Variants in RNLS observed in about 807,000 individuals in gnomAD.
RNLS encodes renalase, FAD dependent amine oxidase.
In RNLS, 39 loss-of-function variants were observed where a neutral mutation model predicts 39.8. The observed-to-expected ratio is 0.98, with a 90% CI of 0.76 to 1.28. RNLS has a LOEUF of 1.28. RNLS is among the 50% of genes most tolerant of loss of function. The probability of loss-of-function intolerance (pLI) is 0.00; values close to 1 mark genes in which losing one functional copy is unlikely to be tolerated. For missense variants in RNLS, 410 were observed against 413.3 expected, an observed-to-expected ratio of 0.99 and a Z score of 0.07; for synonymous variants, 147 against 150.7, an observed-to-expected ratio of 0.98 and a Z score of 0.18.
chr10:88,222,725 A>G, the RNLS span, among the ~76,000 whole-genome samples: 1 of 152,180 alleles, frequency 6.6e-6, no homozygotes, highest in Non-Finnish European at 1.5e-5. Flanking sequence ...GGACTGATCT[A>G]AGAAACAGCA....
At chr10:88,254,010 A>G in the RNLS span, among the ~76,000 whole-genome samples, 1 of 152,220 alleles carries the variant, frequency 6.6e-6, no homozygotes, top group Non-Finnish European at 1.5e-5. Flanking sequence ...TCCTCTATAA[A>G]TCCTTACCTT....
the RNLS span, among the ~76,000 whole-genome samples, chr10:88,212,759 G>A: frequency 1.7e-3 from 258 of 152,300 alleles, 1 homozygote; most frequent in African/African-American, 5.1e-3. Flanking sequence ...CATGGGTAAG[G>A]ACTAAGTTGT....
intron 4 of RNLS, among the ~76,000 whole-genome samples, chr10:88,493,125 A>AT (rs1650974581): frequency 6.6e-6 from 1 of 152,112 alleles, no homozygotes; most frequent in East Asian, 1.9e-4. Flanking sequence ...AGTACATGTT[A>AT]TTTCTGCTCT....
At chr10:88,217,033 G>C in the RNLS span, among the ~76,000 whole-genome samples, 2 of 152,164 alleles carry the variant, frequency 1.3e-5, no homozygotes, top group Non-Finnish European at 1.5e-5. Context: ...GCTCAATTAG[G>C]GGGTGAGGGG....
At chr10:88,440,867 G>A (rs1220589674) in intron 4 of RNLS, among the ~76,000 whole-genome samples, 1 of 152,176 alleles carries the variant, frequency 6.6e-6, no homozygotes, top group Non-Finnish European at 1.5e-5. Context: ...CCCTTAGTCT[G>A]CTGAGATGCT....
intron 5 of RNLS, among the ~76,000 whole-genome samples, chr10:88,354,817 T>G (rs1355967418): frequency 6.6e-6 from 1 of 152,236 alleles, no homozygotes; most frequent in Non-Finnish European, 1.5e-5. Flanking sequence ...GTTTTCCAAG[T>G]TGGTTCCATT....
intron 3 of RNLS, among the ~76,000 whole-genome samples, chr10:88,574,292 A>G (rs1340547777): frequency 6.6e-6 from 1 of 152,170 alleles, no homozygotes; most frequent in African/African-American, 2.4e-5. Context: ...AGAAATGAAG[A>G]TGGAATGAGG....
chr10:88,178,409 A>G, the RNLS span, among the ~76,000 whole-genome samples: 2 of 151,730 alleles, frequency 1.3e-5, no homozygotes, highest in Non-Finnish European at 2.9e-5. Flanking sequence ...GGCTCCAGGT[A>G]GCTCCCCAGT....
chr10:88,547,253 T>C (rs1387367095), intron 4 of RNLS, among the ~76,000 whole-genome samples: 1 of 152,198 alleles, frequency 6.6e-6, no homozygotes, highest in Non-Finnish European at 1.5e-5. Context: ...AAGAACACAC[T>C]TGAAGTCCAT....
intron 4 of RNLS, among the ~76,000 whole-genome samples, chr10:88,396,353 T>A (rs1810110766): frequency 6.6e-6 from 1 of 151,958 alleles, no homozygotes; most frequent in Non-Finnish European, 1.5e-5. Flanking sequence ...TGGAGCTATA[T>A]AGGAGCAGAG....
In RNLS at chr10:88,575,284, A is replaced by G. The variant is rs189888859; in HGVS notation, c.368-2223T>C. ...TATGTATATGTGTGTGTGTGTGTGT[A>G]TATATATATATGTCAGTGGTTCTCT... On this transcript the variant is annotated intron_variant, in intron 3 of 6. Coordinates refer to ENST00000331772, the MANE Select transcript of RNLS (RefSeq NM_001031709.3). 3.0e-3 allele frequency among the ~76,000 whole-genome samples: 443 copies of G among 146,392 alleles called. 2 individuals carry two copies. Among genetic ancestry groups the G allele is most frequent in the Admixed American group, 8.0e-3 (117 of 14,670 alleles).
the RNLS span, among the ~76,000 whole-genome samples, chr10:88,260,393 A>G: frequency 3.3e-5 from 5 of 152,250 alleles, no homozygotes; most frequent in Non-Finnish European, 7.3e-5. Context: ...ATCTATTTGA[A>G]TTAATGCAAG....
At chr10:88,565,747 C>CTTTT (rs34655092) in intron 4 of RNLS, among the ~76,000 whole-genome samples, 181 of 97,948 alleles carry the variant, frequency 1.8e-3, no homozygotes, top group Non-Finnish European at 2.5e-3. Context: ...CGTTATCTTT[C>CTTTT]TTTTTTTTTT....
the RNLS span, among the ~76,000 whole-genome samples, chr10:88,202,210 G>A: frequency 6.7e-6 from 1 of 148,230 alleles, no homozygotes. Context: ...AAAAAACCAA[G>A]CACCGCATGT....
Position 88,503,032 on chromosome 10 carries a change from A to G in RNLS, c.526+69871T>C, listed in dbSNP as rs190153623. Among the ~76,000 whole-genome samples, 333 of 152,248 alleles carry G rather than the reference A, an allele frequency of 2.2e-3. 1 individual carries two copies. Among genetic ancestry groups the G allele is most frequent in the African/African-American group, 7.7e-3 (319 of 41,550 alleles). ...AGCTTCACCAATCAATCCGTAGCCAATCATTTTTTATCTATCACTACCCAT... is the reference window on the plus strand; with the variant it reads ...AGCTTCACCAATCAATCCGTAGCCAGTCATTTTTTATCTATCACTACCCAT... On this transcript the variant is annotated intron_variant, in intron 4 of 6. Coordinates refer to ENST00000331772, the MANE Select transcript of RNLS (RefSeq NM_001031709.3).
At chr10:88,298,170 GT>G (rs886366150) in intron 6 of RNLS, among the ~76,000 whole-genome samples, 1 of 151,630 alleles carries the variant, frequency 6.6e-6, no homozygotes, top group East Asian at 1.9e-4. Context: ...AATTGGGTTG[GT>G]TTTTTTATTT....
chr10:88,442,380 T>C (rs1841765551), intron 4 of RNLS, among the ~76,000 whole-genome samples: 1 of 152,194 alleles, frequency 6.6e-6, no homozygotes, highest in East Asian at 1.9e-4. Flanking sequence ...ATTCAGCTGA[T>C]TAAAACTTGG....
chr10:88,407,482 A>G (rs1046351599), intron 4 of RNLS, among the ~76,000 whole-genome samples: 4 of 152,038 alleles, frequency 2.6e-5, no homozygotes, highest in Non-Finnish European at 5.9e-5. Flanking sequence ...AATTAATAAA[A>G]AAATTAACAA....
intron 4 of RNLS, among the ~76,000 whole-genome samples, chr10:88,533,642 G>C (rs1210005071): frequency 6.6e-6 from 1 of 152,138 alleles, no homozygotes; most frequent in African/African-American, 2.4e-5. Flanking sequence ...TTTGACTAAC[G>C]ATAGGCAGAT....
Sources: allele counts gnomAD v4.1 joint callset (sites outside exome capture counted in the v4.1 genomes callset), GRCh38; gene constraint gnomAD v4.1.1; transcripts MANE v1.5; gene names NCBI Gene and HGNC (gene_info 2026-07-23, HGNC 2026-07-21).